KCNQ3: variants seen among roughly 807,000 people sequenced by gnomAD.
The protein encoded by KCNQ3 is potassium voltage-gated channel subfamily KQT member 3.
KCNQ3 carries 30 observed loss-of-function variants against 92.5 expected under a neutral mutation model. That is an observed-to-expected ratio of 0.32 (90% CI 0.24 to 0.44). The LOEUF (loss-of-function observed/expected upper bound fraction) is 0.44, where lower values mean the gene tolerates loss of function less well. Among genes scored for constraint, KCNQ3 ranks in the 20% least tolerant of loss-of-function variants. KCNQ3 has a pLI of 1.00. For missense variants in KCNQ3, 913 were observed against 1,140.3 expected (o/e 0.80, Z 2.87); for synonymous variants, 450 against 468.8 (o/e 0.96, Z 0.52).
At chr8:132,287,965 G>A (rs139076390) in intron 1 of KCNQ3, among the ~76,000 whole-genome samples, 1,732 of 152,142 alleles carry the variant, frequency 0.011, 14 homozygotes, top group Non-Finnish European at 0.019. Context: ...TAAAAAAATT[G>A]ACAAAGTCAT....
At chr8:132,320,173 T>A (rs749698247) in intron 1 of KCNQ3, among the ~76,000 whole-genome samples, 35 of 152,334 alleles carry the variant, frequency 2.3e-4, no homozygotes, top group Non-Finnish European at 3.8e-4. Context: ...AGGATTTTCA[T>A]GTATTTTAAC....
At chr8:132,351,215 T>C (rs1180597179) in intron 1 of KCNQ3, among the ~76,000 whole-genome samples, 1 of 152,216 alleles carries the variant, frequency 6.6e-6, no homozygotes, top group East Asian at 1.9e-4. Flanking sequence ...ATTATTCCCA[T>C]TGTTCAGATG....
intron 1 of KCNQ3, among the ~76,000 whole-genome samples, chr8:132,218,865 A>G (rs566272735): frequency 1.5e-4 from 23 of 152,350 alleles, no homozygotes; most frequent in African/African-American, 5.5e-4. Context: ...ATGGAGGCCC[A>G]GTCTCCCTTC....
intron 9 of KCNQ3, among the ~76,000 whole-genome samples, chr8:132,157,018 G>C (rs1034296537): frequency 3.3e-5 from 5 of 152,226 alleles, no homozygotes; most frequent in African/African-American, 1.2e-4. Context: ...CTGGTCTAGA[G>C]CCTTTGGAGG....
At chr8:132,302,997 G>A (rs1817269690) in intron 1 of KCNQ3, among the ~76,000 whole-genome samples, 1 of 152,170 alleles carries the variant, frequency 6.6e-6, no homozygotes, top group Admixed American at 6.5e-5. Context: ...CATGACTGCT[G>A]AGGGAAGAAA....
chr8:132,331,710 T>A (rs1818236662), intron 1 of KCNQ3, among the ~76,000 whole-genome samples: 1 of 152,252 alleles, frequency 6.6e-6, no homozygotes, highest in South Asian at 2.1e-4. Context: ...CAGCATAGTA[T>A]AATGGGATAT....
At chr8:132,148,964 T>G (rs1263685699) in intron 9 of KCNQ3, among the ~76,000 whole-genome samples, 6 of 152,258 alleles carry the variant, frequency 3.9e-5, no homozygotes, top group African/African-American at 1.4e-4. Flanking sequence ...ATAAATCTCC[T>G]GTTATAAACC....
chr8:132,129,253 T>C lies in KCNQ3; in HGVS notation c.*9A>G, dbSNP rs1057523827. The C allele has an allele frequency of 1.2e-6, 2 of 1,608,502 alleles. No individual in the cohort carries two copies. Among genetic ancestry groups the C allele is most frequent in the Non-Finnish European group, 1.7e-6 (2 of 1,179,934 alleles). ...TACATTACAAGGAGGGGTCAGCCAG[T>C]GACCTCTTTTAAATGGGCTTATTGG... is the stretch of plus-strand genomic sequence containing the variant. On this transcript the variant is annotated 3_prime_UTR_variant, in exon 15 of 15. Coordinates refer to ENST00000388996, the MANE Select transcript of KCNQ3 (RefSeq NM_004519.4). This position sits in a 1 kb window ranked among gnomAD's most constrained non-coding sequence, Gnocchi z 5.9.
intron 1 of KCNQ3, among the ~76,000 whole-genome samples, chr8:132,311,179 C>T (rs1476207666): frequency 5.9e-5 from 9 of 152,140 alleles, no homozygotes; most frequent in Admixed American, 5.2e-4. Context: ...TCTCCCACCT[C>T]GCCTTATGAC....
chr8:132,417,233 A>G (rs947195035), intron 1 of KCNQ3, among the ~76,000 whole-genome samples: 4 of 152,220 alleles, frequency 2.6e-5, no homozygotes, highest in African/African-American at 9.6e-5. Context: ...GGGATTGGCA[A>G]TAACAGAGAA....
chr8:132,466,606 A>G (rs774105323), intron 1 of KCNQ3, among the ~76,000 whole-genome samples: 1 of 152,042 alleles, frequency 6.6e-6, no homozygotes, highest in Non-Finnish European at 1.5e-5. Context: ...ACATCCTTAT[A>G]ATCTACTTCT....
chr8:132,391,357 G>A lies in KCNQ3; in HGVS notation c.386+88790C>T, dbSNP rs528148616. Among the ~76,000 whole-genome samples the A allele has an allele frequency of 1.1e-4, 17 of 152,258 alleles. No individual in the cohort carries two copies. In the South Asian group the frequency reaches 3.3e-3, roughly 30 times the overall value. ...GCCTCAATGCTCACATCTGTAAAATGGAGAGGATGACAAAGACAGCTGTCT... is the reference window on the plus strand; with the variant it reads ...GCCTCAATGCTCACATCTGTAAAATAGAGAGGATGACAAAGACAGCTGTCT... On this transcript the variant is annotated intron_variant, in intron 1 of 14. Transcript: ENST00000388996.
intron 4 of KCNQ3, among the ~76,000 whole-genome samples, chr8:132,176,613 A>G (rs1826563201): frequency 6.6e-6 from 1 of 152,148 alleles, no homozygotes; most frequent in Non-Finnish European, 1.5e-5. Flanking sequence ...AATCTTCCTG[A>G]CAGGGTTGCT....
chr8:132,157,882 T>C (rs983274783), intron 9 of KCNQ3, among the ~76,000 whole-genome samples: 8 of 152,222 alleles, frequency 5.3e-5, no homozygotes, highest in African/African-American at 1.2e-4. Flanking sequence ...CCTGTGTCCA[T>C]GTGTTCTCAT....
intron 1 of KCNQ3, among the ~76,000 whole-genome samples, chr8:132,336,957 T>G (rs1397152613): frequency 6.6e-6 from 1 of 152,122 alleles, no homozygotes; most frequent in Non-Finnish European, 1.5e-5. Context: ...GAGACTTGAG[T>G]CCTTGAGAGG....
At chr8:132,247,364 C>T (rs1300585036) in intron 1 of KCNQ3, among the ~76,000 whole-genome samples, 1 of 152,138 alleles carries the variant, frequency 6.6e-6, no homozygotes, top group East Asian at 1.9e-4. Context: ...TTAGGGTCCC[C>T]CAGGTTTGAT....
chr8:132,256,077 A>C (rs951867324), intron 1 of KCNQ3, among the ~76,000 whole-genome samples: 1 of 152,188 alleles, frequency 6.6e-6, no homozygotes, highest in Admixed American at 6.5e-5. Context: ...TATGCCTACT[A>C]TCTTACATAT....
chr8:132,371,548 C>CACAG (rs1021407822), intron 1 of KCNQ3, among the ~76,000 whole-genome samples: 9 of 152,172 alleles, frequency 5.9e-5, no homozygotes, highest in African/African-American at 1.9e-4. Flanking sequence ...TGGCTACCTT[C>CACAG]AATATGCTGG....
intron 1 of KCNQ3, among the ~76,000 whole-genome samples, chr8:132,208,465 C>A (rs1813738201): frequency 6.6e-6 from 1 of 152,174 alleles, no homozygotes; most frequent in South Asian, 2.1e-4. Context: ...TTGTGAGCCA[C>A]ATCCGCTTCA....
Sources: allele counts gnomAD v4.1 joint callset (sites outside exome capture counted in the v4.1 genomes callset), GRCh38; gene constraint gnomAD v4.1.1; non-coding constraint Gnocchi (gnomAD v3.1); transcripts MANE v1.5; gene names NCBI Gene and HGNC (gene_info 2026-07-23, HGNC 2026-07-21).